The following DENND10 variants were observed in gnomAD, a reference collection of about 807,000 sequenced individuals.
The protein encoded by DENND10 is DENN domain-containing protein 10.
Under a neutral mutation model 43.6 loss-of-function variants are expected in DENND10, and 24 were observed. That is an observed-to-expected ratio of 0.55 (90% CI 0.40 to 0.77). The LOEUF (loss-of-function observed/expected upper bound fraction) is 0.77, where lower values mean the gene tolerates loss of function less well. DENND10 is among the 30% of genes least tolerant of loss of function. DENND10 has a pLI of 0.00. For missense variants in DENND10, 303 were observed against 429.9 expected, an observed-to-expected ratio of 0.70 and a Z score of 2.61; for synonymous variants, 125 against 157.6, an observed-to-expected ratio of 0.79 and a Z score of 1.55.
intron 6 of DENND10, among the ~76,000 whole-genome samples, chr10:119,124,237 T>G (rs1221484247): frequency 6.9e-6 from 1 of 144,226 alleles, no homozygotes; most frequent in East Asian, 2.0e-4. Context: ...AGGATTTACC[T>G]TTTTTTGGCC....
At chr10:119,127,960 G>A (rs1413702691) in intron 6 of DENND10, among the ~76,000 whole-genome samples, 1 of 151,966 alleles carries the variant, frequency 6.6e-6, no homozygotes, top group Non-Finnish European at 1.5e-5. Context: ...GCTTGGTAAA[G>A]TAAAACTCTA....
chr10:119,117,387 GTGAAGCATTC>G, intron 3 of DENND10, 122 bp from the exon 4 acceptor site: 1 of 901,238 alleles, frequency 1.1e-6, no homozygotes. Context: ...AAACAGAAGA[GTGAAGCATTC>G]AGAAGGGCAG....
intron 1 of DENND10, chr10:119,105,120 GTT>G (rs992767062): frequency 6.6e-6 from 1 of 152,232 alleles, no homozygotes; most frequent in African/African-American, 2.4e-5. Context: ...CTTCGAAAAA[GTT>G]TTATTTTCCC....
At chr10:119,109,539 C>T (rs563090687) in intron 2 of DENND10, among the ~76,000 whole-genome samples, 110 of 151,470 alleles carry the variant, frequency 7.3e-4, no homozygotes, top group African/African-American at 2.2e-3. Context: ...TTTAAAATAG[C>T]AGGAAGGTAA....
intron 3 of DENND10, among the ~76,000 whole-genome samples, chr10:119,114,922 A>G (rs774115972): frequency 6.6e-6 from 1 of 151,914 alleles, no homozygotes; most frequent in Non-Finnish European, 1.5e-5. Context: ...GGTGCACACC[A>G]CCACACCTGG....
At chr10:119,114,900 G>A (rs1387724559) in intron 3 of DENND10, among the ~76,000 whole-genome samples, 1 of 151,916 alleles carries the variant, frequency 6.6e-6, no homozygotes. Flanking sequence ...CTCCCAAGTA[G>A]TGGGAATTAC....
intron 4 of DENND10, among the ~76,000 whole-genome samples, chr10:119,120,091 T>C (rs1321797481): frequency 7.5e-6 from 1 of 133,880 alleles, no homozygotes; most frequent in Non-Finnish European, 1.6e-5. Context: ...CTACTAAAAA[T>C]ACAAATATTA....
At position 119,111,908 on chromosome 10, in the gene DENND10, C is replaced by T; in HGVS notation, c.312C>T (p.Ala104=). Residue 104 remains alanine (A), a synonymous_variant, in exon 3 of 9, where the codon GCC becomes GCT. Transcript: ENST00000361432. ...ATTTTAACCCAGAGAAGTATGCTGC[C>T]TTCACTAGGATATTGTGTAGGTCTG... ...AKDFNPEKYA[A]FTRILCRMYL... 3.1e-6 allele frequency: 5 copies of T among 1,611,526 alleles called. No individual in the cohort carries two copies. In the African/African-American group the frequency reaches 6.7e-5, roughly 21 times the overall value.
intron 1 of DENND10, among the ~76,000 whole-genome samples, chr10:119,106,491 C>T (rs933739467): frequency 9.2e-5 from 14 of 152,102 alleles, no homozygotes; most frequent in African/African-American, 3.4e-4. Flanking sequence ...TAGGCACACA[C>T]CACCATGTCC....
At chr10:119,113,361 A>G (rs1036810494) in intron 3 of DENND10, among the ~76,000 whole-genome samples, 1 of 150,410 alleles carries the variant, frequency 6.6e-6, no homozygotes, top group Non-Finnish European at 1.5e-5. Context: ...GGCTAATTAA[A>G]AAATATATAT....
At chr10:119,130,919 C>A (rs569703674) in intron 7 of DENND10, among the ~76,000 whole-genome samples, 24 of 152,322 alleles carry the variant, frequency 1.6e-4, no homozygotes, top group Non-Finnish European at 3.1e-4. Flanking sequence ...CCTCCATATG[C>A]TATTTGTTAG....
intron 1 of DENND10, among the ~76,000 whole-genome samples, chr10:119,107,297 CA>C (rs78265277): frequency 0.57 from 74,061 of 130,844 alleles, 19,517 homozygotes; most frequent in Middle Eastern, 0.7. Flanking sequence ...GACTCCGCCT[CA>C]AAAAAAAAAA....
chr10:119,108,970 T>C (rs1844836230), intron 2 of DENND10, among the ~76,000 whole-genome samples: 1 of 151,922 alleles, frequency 6.6e-6, no homozygotes, highest in Non-Finnish European at 1.5e-5. Flanking sequence ...ATCCCAGCAT[T>C]TTGGGAGGCT....
At chr10:119,135,735 C>T (rs982201418) in intron 8 of DENND10, among the ~76,000 whole-genome samples, 8 of 122,432 alleles carry the variant, frequency 6.5e-5, no homozygotes, top group African/African-American at 1.2e-4. Context: ...GGTTGTGCAA[C>T]GCTGCAAATG....
At chr10:119,130,884 C>T (rs552356667) in intron 7 of DENND10, among the ~76,000 whole-genome samples, 1 of 152,224 alleles carries the variant, frequency 6.6e-6, no homozygotes, top group African/African-American at 2.4e-5. Flanking sequence ...GTTTTATAAT[C>T]TTGCCTTGAT....
chr10:119,107,865 A>G, intron 1 of DENND10, 103 bp from the exon 2 acceptor site: 2 of 1,034,436 alleles, frequency 1.9e-6, no homozygotes, highest in South Asian at 1.3e-5. Context: ...GCTTTGTAAG[A>G]TGGGATGTTA....
In DENND10 at chr10:119,104,113, A is replaced by C. The variant is rs1261759748; in HGVS notation, c.-30A>C. ...GTGCGAGGCCGGTCCTGCAGGCGGC[A>C]GCCAGAGCTGCGCGCCGCGGCGGCG... On this transcript the variant is annotated 5_prime_UTR_variant, in exon 1 of 9. Coordinates refer to ENST00000361432, the MANE Select transcript of DENND10 (RefSeq NM_207009.4). The C allele has an allele frequency of 1.3e-6, 2 of 1,487,322 alleles. No homozygotes were observed. The highest frequency in any genetic ancestry group is 1.5e-5 in the African/African-American group (1 of 68,166). 92.1% of individuals were successfully genotyped at this position (1,487,322 alleles called of 1,614,324 possible).
intron 8 of DENND10, 113 bp from the exon 9 acceptor site, chr10:119,136,358 G>A: frequency 1.6e-6 from 2 of 1,285,846 alleles, no homozygotes; most frequent in Non-Finnish European, 2.1e-6. Flanking sequence ...ACCACGCCAA[G>A]CTCATTTTTC....
At chr10:119,107,922 C>T (rs1277771077) in intron 1 of DENND10, 46 bp from the exon 2 acceptor site, 6 of 1,559,332 alleles carry the variant, frequency 3.8e-6, no homozygotes, top group Non-Finnish European at 5.3e-6. Context: ...AATTCACTTC[C>T]TTGCTGCTGT....
Sources: gnomAD v4.1 joint callset for allele counts (sites outside exome capture counted in the v4.1 genomes callset) on GRCh38, gnomAD v4.1.1 for gene constraint, MANE v1.5 for transcripts, NCBI Gene and HGNC (gene_info 2026-07-23, HGNC 2026-07-21) for gene names.